The following BIRC6 variants were observed in gnomAD, a reference collection of about 807,000 sequenced individuals.
BIRC6 encodes dual E2 ubiquitin-conjugating enzyme/E3 ubiquitin-protein ligase BIRC6.
In BIRC6, 98 loss-of-function variants were observed where a neutral mutation model predicts 503.3. That is an observed-to-expected ratio of 0.19 (90% CI 0.17 to 0.23). The LOEUF is 0.23. BIRC6 is among the 10% of genes least tolerant of loss of function. The pLI is 1.00. For missense variants in BIRC6, 5,360 were observed against 5,806.0 expected, an observed-to-expected ratio of 0.92 and a Z score of 2.50; for synonymous variants, 2,240 against 2,078.7, an observed-to-expected ratio of 1.08 and a Z score of -2.11.
intron 66 of BIRC6, among the ~76,000 whole-genome samples, chr2:32,586,272 A>T (rs933108320): frequency 2.0e-5 from 3 of 151,864 alleles, no homozygotes; most frequent in Non-Finnish European, 4.4e-5. Flanking sequence ...CAACTTAAAA[A>T]AAAATTATAA....
At chr2:32,394,471 G>A (rs1038527289) in intron 5 of BIRC6, among the ~76,000 whole-genome samples, 3 of 152,064 alleles carry the variant, frequency 2.0e-5, no homozygotes, top group Admixed American at 6.6e-5. Flanking sequence ...ATGTGAATTA[G>A]ATTGACTACT....
At chr2:32,381,901 T>A (rs1359889245) in intron 3 of BIRC6, among the ~76,000 whole-genome samples, 2 of 152,140 alleles carry the variant, frequency 1.3e-5, no homozygotes, top group African/African-American at 2.4e-5. Context: ...TCCTCAGAGA[T>A]CATCTATGTT....
Position 32,444,577 on chromosome 2 carries a change from CTG to C in BIRC6, c.4337-942_4337-941del, listed in dbSNP as rs547915291. ...TTTATTGATAGACATTTTTCACAAT[CTG>C]TTTTATTAAAAAACAAACCATTCAG... On this transcript the variant is annotated intron_variant, in intron 20 of 73. Transcript: ENST00000421745. Among the ~76,000 whole-genome samples, 592 of 152,248 alleles carry C rather than the reference CTG, an allele frequency of 3.9e-3. 6 individuals are homozygous for C. Among genetic ancestry groups the C allele is most frequent in the African/African-American group, 0.014 (565 of 41,552 alleles).
chr2:32,478,986 C>A (rs2050076806), intron 36 of BIRC6, among the ~76,000 whole-genome samples, 168 bp downstream of exon 36: 2 of 152,136 alleles, frequency 1.3e-5, no homozygotes, highest in African/African-American at 4.8e-5. Context: ...TTGAAAATTA[C>A]TTTTGTATTT....
chr2:32,401,115 G>T, intron 6 of BIRC6, 48 bp from the exon 7 acceptor site: 1 of 1,512,844 alleles, frequency 6.6e-7, no homozygotes, highest in South Asian at 1.2e-5. Context: ...TGTACAAACT[G>T]AATTGCTTTA....
At chr2:32,479,420 T>A in intron 36 of BIRC6, 42 bp from the exon 37 acceptor site, 1 of 1,537,382 alleles carries the variant, frequency 6.5e-7, no homozygotes, top group Non-Finnish European at 8.8e-7. Context: ...ATTTTCGAAA[T>A]CTGTATAAAT....
intron 65 of BIRC6, chr2:32,565,415 G>T (rs904798722): frequency 6.6e-6 from 1 of 152,074 alleles, no homozygotes; most frequent in African/African-American, 2.4e-5. Context: ...TAAGTATTCT[G>T]TTCTCCACAT....
intron 62 of BIRC6, among the ~76,000 whole-genome samples, chr2:32,544,878 T>C (rs187112949): frequency 7.2e-5 from 11 of 152,168 alleles, no homozygotes; most frequent in Non-Finnish European, 1.3e-4. Context: ...TCTGATTTTT[T>C]TTTAAGTAGA....
At chr2:32,490,216 T>A in intron 43 of BIRC6, 65 bp downstream of exon 43, 1 of 1,362,564 alleles carries the variant, frequency 7.3e-7, no homozygotes, top group Non-Finnish European at 1.0e-6. Flanking sequence ...TATTGGATTC[T>A]TAAAACAGAG....
rs184499890 is a variant in BIRC6, at chr2:32,381,256, T to G, written c.645+966T>G. The stretch of plus-strand genomic sequence containing the variant: ...GCTTTTTTTCTTTTATTTTTTCTTT[T>G]GAGACAGAGTTTTGCTCTTGTTTCC... On this transcript the variant is annotated intron_variant, in intron 3 of 73. Transcript: ENST00000421745. 2.1e-3 allele frequency among the ~76,000 whole-genome samples: 321 copies of G among 152,322 alleles called. 1 individual carries two copies. Among genetic ancestry groups the G allele is most frequent in the African/African-American group, 7.1e-3 (297 of 41,568 alleles).
chr2:32,526,231 C>T (rs1345343422), intron 59 of BIRC6, among the ~76,000 whole-genome samples: 2 of 152,150 alleles, frequency 1.3e-5, no homozygotes, highest in Non-Finnish European at 2.9e-5. Flanking sequence ...AAAAGATCTT[C>T]CAGCCCCCTT....
At chr2:32,518,432 A>G (rs1482090434) in intron 56 of BIRC6, 35 bp downstream of exon 56, 3 of 1,575,512 alleles carry the variant, frequency 1.9e-6, no homozygotes, top group Admixed American at 4.2e-5. Flanking sequence ...GGCTGTGTAT[A>G]CATGTATTTT....
chr2:32,477,158 A>T (rs186516088), intron 34 of BIRC6, among the ~76,000 whole-genome samples: 222 of 152,318 alleles, frequency 1.5e-3, no homozygotes, highest in African/African-American at 5.0e-3. Context: ...AAACTCTGTT[A>T]CATATCTGAT....
Position 32,513,149 on chromosome 2 carries a change from C to T in BIRC6, c.10563C>T (p.Leu3521=), listed in dbSNP as rs1372554654. ...TACCAGCACTCCTGGACCAAGAGCT[C>T]TTTGAGTAAGTATGATTTGTGAAAT... ...YDLPALLDQE[L]FELLFNWSMS... is the part of the protein sequence containing the mutation. Residue 3521 remains leucine (L), a synonymous_variant, in exon 54 of 74, where the codon CTC becomes CTT. Coordinates refer to ENST00000421745, the MANE Select transcript of BIRC6 (RefSeq NM_016252.4). 2.5e-6 allele frequency: 4 copies of T among 1,611,694 alleles called. No individual in the cohort carries two copies. Among genetic ancestry groups the T allele is most frequent in the Non-Finnish European group, 3.4e-6 (4 of 1,178,344 alleles).
chr2:32,383,026 C>A (rs2037911523), intron 3 of BIRC6, among the ~76,000 whole-genome samples: 2 of 149,690 alleles, frequency 1.3e-5, no homozygotes, highest in African/African-American at 4.9e-5. Flanking sequence ...GTGGCCTGGT[C>A]CTCAGTTTAT....
intron 60 of BIRC6, among the ~76,000 whole-genome samples, chr2:32,530,213 T>A (rs1572839268): frequency 6.6e-6 from 1 of 152,168 alleles, no homozygotes; most frequent in East Asian, 1.9e-4. Flanking sequence ...ACTTATATAT[T>A]CCATTAATTT....
At chr2:32,450,626 T>C (rs1226730784) in intron 22 of BIRC6, among the ~76,000 whole-genome samples, 7 of 152,200 alleles carry the variant, frequency 4.6e-5, no homozygotes, top group African/African-American at 1.4e-4. Flanking sequence ...ATCACCCACA[T>C]TGAGGATATC....
intron 23 of BIRC6, among the ~76,000 whole-genome samples, chr2:32,460,737 G>A (rs1221552643): frequency 6.6e-6 from 1 of 151,750 alleles, no homozygotes; most frequent in Non-Finnish European, 1.5e-5. Flanking sequence ...CTGTTTGCTT[G>A]TAGTGATTCA....
intron 62 of BIRC6, among the ~76,000 whole-genome samples, chr2:32,544,455 T>G (rs2057907868): frequency 6.6e-6 from 1 of 151,236 alleles, no homozygotes; most frequent in African/African-American, 2.4e-5. Context: ...GATTTTCATT[T>G]GGGTGACGTC....
Sources: gnomAD v4.1 joint callset for allele counts (sites outside exome capture counted in the v4.1 genomes callset) on GRCh38, gnomAD v4.1.1 for gene constraint, MANE v1.5 for transcripts, NCBI Gene and HGNC (gene_info 2026-07-23, HGNC 2026-07-21) for gene names.